The following CACNA2D3 variants were observed in gnomAD, a reference collection of about 807,000 sequenced individuals.
CACNA2D3 encodes voltage-dependent calcium channel subunit alpha-2/delta-3.
CACNA2D3 carries 60 observed loss-of-function variants against 160.6 expected under a neutral mutation model. That is an observed-to-expected ratio of 0.37 (90% CI 0.30 to 0.46). The LOEUF is 0.46. Ranked by LOEUF, CACNA2D3 falls within the 20% of genes least tolerant of loss-of-function variation. CACNA2D3 has a pLI of 1.00. For synonymous variants in CACNA2D3, 558 were observed against 492.9 expected (o/e 1.13, Z -1.75); for missense variants, 1,205 against 1,365.0 (o/e 0.88, Z 1.85).
intron 2 of CACNA2D3, among the ~76,000 whole-genome samples, chr3:54,160,293 G>T (rs1233607337): frequency 6.6e-6 from 1 of 152,224 alleles, no homozygotes; most frequent in Non-Finnish European, 1.5e-5. Flanking sequence ...GAGGGCAGGA[G>T]TTCGAGACCA....
chr3:54,411,589 G>A (rs994025058), intron 4 of CACNA2D3, among the ~76,000 whole-genome samples: 4 of 152,256 alleles, frequency 2.6e-5, no homozygotes, highest in Admixed American at 2.6e-4. Context: ...TAGACATAAT[G>A]CTATTGCACA....
chr3:54,618,352 C>CATACATATATATATAT lies in CACNA2D3; in HGVS notation c.964-9432_964-9431insCATATATATATATATA, dbSNP rs56316245. On this transcript the variant is annotated intron_variant, in intron 9 of 37. Transcript: ENST00000474759. ...AAGTTCAAATTGATGTTGATACATA[C>CATACATATATATATAT]ATATATATATATATATATATATGCA... Among the ~76,000 whole-genome samples, 50 of 119,888 alleles carry CATACATATATATATAT rather than the reference C, an allele frequency of 4.2e-4. 1 individual carries two copies. The highest frequency in any genetic ancestry group is 1.1e-3 in the African/African-American group (35 of 31,206). The allele number at this position is 119,888 out of a possible 152,430, so 78.7% of individuals were successfully genotyped here. A position where few individuals can be genotyped will look rare whatever the true frequency, so the allele number is the denominator to read the frequency against.
intron 9 of CACNA2D3, among the ~76,000 whole-genome samples, chr3:54,582,488 T>C (rs574741386): frequency 4.6e-5 from 7 of 152,350 alleles, no homozygotes; most frequent in African/African-American, 1.7e-4. Flanking sequence ...AAATAAATCC[T>C]GTTTCCCTTT....
chr3:55,067,061 T>C (rs976034411), intron 35 of CACNA2D3, among the ~76,000 whole-genome samples: 1 of 149,516 alleles, frequency 6.7e-6, no homozygotes, highest in African/African-American at 2.5e-5. Context: ...CTTTAAAATA[T>C]GGAAAAGTAG....
chr3:55,008,858 A>T (rs1330471174), intron 33 of CACNA2D3, among the ~76,000 whole-genome samples: 1 of 142,804 alleles, frequency 7.0e-6, no homozygotes, highest in Non-Finnish European at 1.6e-5. Context: ...ACATAATTTC[A>T]TAGAGAGAAG....
chr3:54,734,760 A>G (rs1701462766), intron 11 of CACNA2D3, among the ~76,000 whole-genome samples: 1 of 152,248 alleles, frequency 6.6e-6, no homozygotes, highest in African/African-American at 2.4e-5. Flanking sequence ...TATTGGGGAT[A>G]ATAACTGGTT....
chr3:54,177,233 T>C (rs1700695586), intron 2 of CACNA2D3, among the ~76,000 whole-genome samples: 1 of 152,242 alleles, frequency 6.6e-6, no homozygotes, highest in South Asian at 2.1e-4. Context: ...CCAGTTCTCA[T>C]GAGCCCAGGC....
chr3:54,434,300 C>T (rs1431299279), intron 4 of CACNA2D3, among the ~76,000 whole-genome samples: 4 of 152,162 alleles, frequency 2.6e-5, no homozygotes, highest in Admixed American at 1.3e-4. Context: ...CTGAATACGG[C>T]GATGAAAGTT....
At chr3:54,350,986 G>GTTTTGTTTTTTTTTTTTTTTTTTTTTTTT (rs1698548788) in intron 3 of CACNA2D3, among the ~76,000 whole-genome samples, 1 of 65,922 alleles carries the variant, frequency 1.5e-5, no homozygotes, top group Non-Finnish European at 3.0e-5. Flanking sequence ...TTTTTTGTTT[G>GTTTTGTTTTTTTTTTTTTTTTTTTTTTTT]TTTTTTTTTT....
chr3:54,721,025 C>T (rs1449533761), intron 11 of CACNA2D3, among the ~76,000 whole-genome samples: 5 of 151,920 alleles, frequency 3.3e-5, no homozygotes, highest in African/African-American at 1.2e-4. Flanking sequence ...CAAAATATTT[C>T]TATTATTCAG....
chr3:54,696,743 C>T (rs1467339805), intron 11 of CACNA2D3, among the ~76,000 whole-genome samples: 1 of 152,162 alleles, frequency 6.6e-6, no homozygotes, highest in Non-Finnish European at 1.5e-5. Context: ...TAGCACTGAA[C>T]CCTCCAGAAG....
chr3:54,672,353 C>T (rs1003227940), intron 11 of CACNA2D3, among the ~76,000 whole-genome samples: 3 of 152,184 alleles, frequency 2.0e-5, no homozygotes, highest in African/African-American at 7.2e-5. Flanking sequence ...GAGAAAACAG[C>T]CAGAGGGTCT....
At chr3:54,464,267 C>T (rs1449480518) in intron 4 of CACNA2D3, among the ~76,000 whole-genome samples, 1 of 152,188 alleles carries the variant, frequency 6.6e-6, no homozygotes, top group Non-Finnish European at 1.5e-5. Context: ...CTCATATCTC[C>T]AGCTGCGTGC....
At chr3:54,828,220 G>A (rs370066290) in intron 14 of CACNA2D3, among the ~76,000 whole-genome samples, 257 of 152,304 alleles carry the variant, frequency 1.7e-3, no homozygotes, top group African/African-American at 5.7e-3. Flanking sequence ...TCTAAACCAC[G>A]TTTGTGAAAA....
intron 35 of CACNA2D3, among the ~76,000 whole-genome samples, chr3:55,062,709 T>A (rs2107222690): frequency 6.6e-6 from 1 of 152,302 alleles, no homozygotes; most frequent in Non-Finnish European, 1.5e-5. Context: ...GGAAACCATT[T>A]GTTTTCTTAT....
intron 5 of CACNA2D3, among the ~76,000 whole-genome samples, chr3:54,561,463 A>G (rs978527884): frequency 1.3e-5 from 2 of 152,206 alleles, no homozygotes; most frequent in Non-Finnish European, 2.9e-5. Context: ...TTATGAGCTT[A>G]AGAAGCTTTT....
At chr3:54,960,577 T>G (rs1702007136) in intron 27 of CACNA2D3, among the ~76,000 whole-genome samples, 1 of 152,236 alleles carries the variant, frequency 6.6e-6, no homozygotes, top group Non-Finnish European at 1.5e-5. Flanking sequence ...TGCTTTGATC[T>G]AAATATTTCT....
chr3:54,181,720 A>G (rs994543720), intron 2 of CACNA2D3, among the ~76,000 whole-genome samples: 2 of 152,194 alleles, frequency 1.3e-5, no homozygotes, highest in Non-Finnish European at 2.9e-5. Flanking sequence ...TTTTTAAACA[A>G]TTCTTGCGAG....
intron 4 of CACNA2D3, among the ~76,000 whole-genome samples, chr3:54,451,285 C>CAGGCTGG (rs1278477410): frequency 8.7e-6 from 1 of 114,856 alleles, no homozygotes; most frequent in African/African-American, 3.4e-5. Flanking sequence ...GCTCTGTCAC[C>CAGGCTGG]AGGCTGGAGG....
Sources: allele counts gnomAD v4.1 joint callset (sites outside exome capture counted in the v4.1 genomes callset), GRCh38; gene constraint gnomAD v4.1.1; transcripts MANE v1.5; gene names NCBI Gene and HGNC (gene_info 2026-07-23, HGNC 2026-07-21).